LMO7: variants seen among roughly 807,000 people sequenced by gnomAD.
LMO7 encodes LIM domain only protein 7.
Under a neutral mutation model 206.5 loss-of-function variants are expected in LMO7, and 120 were observed. That is an observed-to-expected ratio of 0.58 (90% confidence interval 0.50 to 0.68). The LOEUF (loss-of-function observed/expected upper bound fraction) is 0.68, where lower values mean the gene tolerates loss of function less well. Among genes scored for constraint, LMO7 ranks in the 30% least tolerant of loss-of-function variants. The pLI, the probability that LMO7 is intolerant of heterozygous loss-of-function variation, is 0.00. For synonymous variants in LMO7, 706 were observed against 681.5 expected (o/e 1.04, Z -0.56); for missense variants, 1,959 against 1,957.9 (o/e 1.00, Z -0.01).
At chr13:75,851,079 A>G (rs1268587116) in intron 27 of LMO7, among the ~76,000 whole-genome samples, 2 of 152,336 alleles carry the variant, frequency 1.3e-5, no homozygotes, top group Non-Finnish European at 2.9e-5. Context: ...TCAAGCTGCC[A>G]TGTGCATCAT....
Position 75,800,731 on chromosome 13 carries a change from C to A in LMO7, c.510C>A (p.Gly170=). 6.2e-7 allele frequency: 1 copy of A among 1,614,114 alleles called. No individual in the cohort carries two copies. The change falls in exon 7 of 31, where the codon GGC becomes GGA. Residue 170 remains glycine, a synonymous_variant. Coordinates refer to ENST00000377534, the MANE Select transcript of LMO7 (RefSeq NM_001306080.2). ...TGAAAAGAAGTGGCAGGGACAGTGGCTACGGTGACATCTGGTGTCCTGAAC... is the reference window on the plus strand; with the variant it reads ...TGAAAAGAAGTGGCAGGGACAGTGGATACGGTGACATCTGGTGTCCTGAAC... ...SFLKRSGRDS[G]YGDIWCPERG... is the part of the protein sequence containing the mutation.
chr13:75,848,356 G>A (rs1340132875), intron 26 of LMO7, among the ~76,000 whole-genome samples: 1 of 152,138 alleles, frequency 6.6e-6, no homozygotes, highest in African/African-American at 2.4e-5. Context: ...TAGAATAATT[G>A]TCTCCAATCT....
chr13:75,788,708 A>C (rs2140516844), intron 4 of LMO7: 2 of 152,322 alleles, frequency 1.3e-5, no homozygotes, highest in South Asian at 4.1e-4. Context: ...ACTGGAGAGC[A>C]GAGATTACTT....
intron 1 of LMO7, among the ~76,000 whole-genome samples, chr13:75,708,440 G>A (rs2042816920): frequency 6.6e-6 from 1 of 152,154 alleles, no homozygotes; most frequent in Admixed American, 6.5e-5. Context: ...TCACTGCTTT[G>A]AATCTATATT....
chr13:75,793,277 T>G (rs953876376), intron 4 of LMO7, among the ~76,000 whole-genome samples: 3 of 152,178 alleles, frequency 2.0e-5, no homozygotes, highest in Non-Finnish European at 4.4e-5. Context: ...GGTTTTTGTT[T>G]GTTTGTTTGT....
chr13:75,858,010 A>G lies in LMO7; in HGVS notation c.*67A>G. ...AGGTGGTTGCTGCTCATGTAGATCT[A>G]TAAATATGTGTTGTATGTCTTTTTT... is the stretch of plus-strand genomic sequence containing the variant. On this transcript the variant is annotated 3_prime_UTR_variant, in exon 31 of 31. Transcript: ENST00000377534. The G allele has an allele frequency of 1.3e-6, 2 of 1,586,702 alleles. No individual in the cohort carries two copies. Among genetic ancestry groups the G allele is most frequent in the Non-Finnish European group, 1.7e-6 (2 of 1,164,800 alleles).
intron 3 of LMO7, among the ~76,000 whole-genome samples, chr13:75,733,060 C>T (rs557165025): frequency 2.0e-4 from 30 of 152,334 alleles, no homozygotes; most frequent in African/African-American, 6.3e-4. Context: ...AGTTAGACTG[C>T]TCGGGGGTCA....
At position 75,858,541 on chromosome 13, in the gene LMO7, T is replaced by C. The variant is rs2061131257; in HGVS notation, c.*598T>C. 1 of 152,680 alleles carries C rather than the reference T, an allele frequency of 6.5e-6. No individual in the cohort carries two copies. The highest frequency in any genetic ancestry group is 2.1e-4 in the South Asian group (1 of 4,838). 9.5% of individuals were successfully genotyped at this position (152,680 alleles called of 1,614,324 possible). On this transcript the variant is annotated 3_prime_UTR_variant, in exon 31 of 31. Transcript: ENST00000377534. ...CTATTTTCTTTACCAGAAATGTTGC[T>C]AAGTAATTCCCAATAGAAAGCTGCT...
At position 75,679,153 on chromosome 13, in the gene LMO7, T is replaced by G. The variant is rs971004263; in HGVS notation, c.70-34029T>G. ...GAACACATATATAGAGCACCTTGTA[T>G]ATAAGAAACATTGTACTTTAGTGAC... On this transcript the variant is annotated intron_variant, in intron 1 of 30. Transcript: ENST00000377534. Among the ~76,000 whole-genome samples, 13 of 152,216 alleles carry G rather than the reference T, an allele frequency of 8.5e-5. 1 individual carries two copies. Among genetic ancestry groups the G allele is most frequent in the African/African-American group, 3.1e-4 (13 of 41,450 alleles).
At chr13:75,624,161 T>G (rs2033716601) in intron 2 of LMO7, among the ~76,000 whole-genome samples, 1 of 152,212 alleles carries the variant, frequency 6.6e-6, no homozygotes, top group Non-Finnish European at 1.5e-5. Context: ...TTGCCTCTGG[T>G]TGGGTGTTGG....
intron 4 of LMO7, among the ~76,000 whole-genome samples, chr13:75,782,974 TGGTGG>T (rs1378777152): frequency 6.6e-6 from 1 of 152,176 alleles, no homozygotes. Context: ...AAGTAGACCT[TGGTGG>T]GGAGTGGGGT....
chr13:75,726,146 T>C (rs1771388966), intron 2 of LMO7, among the ~76,000 whole-genome samples: 1 of 152,046 alleles, frequency 6.6e-6, no homozygotes, highest in Admixed American at 6.6e-5. Context: ...AGTTTCAAGA[T>C]ATTGTTCTCT....
chr13:75,718,108 G>A (rs1480208865), intron 2 of LMO7, among the ~76,000 whole-genome samples: 2 of 152,126 alleles, frequency 1.3e-5, no homozygotes, highest in Non-Finnish European at 2.9e-5. Flanking sequence ...TTTATGGTTG[G>A]CATTTGCATG....
intron 1 of LMO7, among the ~76,000 whole-genome samples, chr13:75,710,611 G>C (rs2043021401): frequency 6.6e-6 from 1 of 151,742 alleles, no homozygotes; most frequent in Non-Finnish European, 1.5e-5. Flanking sequence ...TCTGTTATTG[G>C]TGTATAGGAA....
intron 3 of LMO7, among the ~76,000 whole-genome samples, chr13:75,730,464 C>T (rs898987606): frequency 1.3e-5 from 2 of 152,192 alleles, no homozygotes; most frequent in East Asian, 1.9e-4. Flanking sequence ...TCTGTGGGAT[C>T]AGTGGTGATA....
intron 15 of LMO7, among the ~76,000 whole-genome samples, chr13:75,826,607 A>T (rs2058135797): frequency 6.6e-6 from 1 of 152,156 alleles, no homozygotes; most frequent in Admixed American, 6.5e-5. Context: ...TAGTGTGCTT[A>T]CTATGTGCCA....
intron 1 of LMO7, among the ~76,000 whole-genome samples, chr13:75,711,248 G>T (rs2138070513): frequency 6.6e-6 from 1 of 151,656 alleles, no homozygotes; most frequent in African/African-American, 2.4e-5. Context: ...AGGGATATTG[G>T]TCTAAAATTC....
chr13:75,805,174 T>A (rs960120166), intron 8 of LMO7: 3 of 1,180,344 alleles, frequency 2.5e-6, no homozygotes, highest in South Asian at 6.2e-5. Flanking sequence ...GTCCTGGATC[T>A]GGCTGTCTAT....
chr13:75,811,207 T>C (rs2056348726), intron 11 of LMO7, among the ~76,000 whole-genome samples: 1 of 105,488 alleles, frequency 9.5e-6, no homozygotes, highest in Non-Finnish European at 2.0e-5. Context: ...TTTTTCTTTC[T>C]CTTTTTTTTT....
Sources: gnomAD v4.1 joint callset for allele counts (sites outside exome capture counted in the v4.1 genomes callset) on GRCh38, gnomAD v4.1.1 for gene constraint, MANE v1.5 for transcripts, NCBI Gene and HGNC (gene_info 2026-07-23, HGNC 2026-07-21) for gene names.